CHCHD6: variants seen among roughly 807,000 people sequenced by gnomAD.
CHCHD6 encodes MICOS complex subunit MIC25.
Under a neutral mutation model 32.3 loss-of-function variants are expected in CHCHD6, and 28 were observed. The ratio of observed to expected loss-of-function variants is 0.87; its 90% CI spans 0.64 to 1.19. The LOEUF is 1.19. Among genes scored for constraint, CHCHD6 ranks in the 50% most tolerant of loss-of-function variants. CHCHD6 has a pLI of 0.00. For missense variants in CHCHD6, 333 were observed against 307.0 expected, an observed-to-expected ratio of 1.08 and a Z score of -0.63; for synonymous variants, 122 against 117.5, an observed-to-expected ratio of 1.04 and a Z score of -0.25.
At chr3:126,807,826 G>A (rs1939475129) in intron 4 of CHCHD6, among the ~76,000 whole-genome samples, 1 of 152,152 alleles carries the variant, frequency 6.6e-6, no homozygotes, top group African/African-American at 2.4e-5. Flanking sequence ...CTTAGAACAG[G>A]GAGTGGCAAA....
At chr3:126,766,508 T>A in intron 4 of CHCHD6, 1 of 775,518 alleles carries the variant, frequency 1.3e-6, no homozygotes. Flanking sequence ...TCTCTTGGTG[T>A]CACCAAAGAG....
intron 4 of CHCHD6, among the ~76,000 whole-genome samples, chr3:126,811,758 T>C (rs565974617): frequency 1.3e-5 from 2 of 152,218 alleles, no homozygotes; most frequent in Non-Finnish European, 2.9e-5. Context: ...GCCAGACATT[T>C]AGCTCCTTCC....
At chr3:126,892,174 T>A (rs375369702) in intron 5 of CHCHD6, among the ~76,000 whole-genome samples, 1 of 152,218 alleles carries the variant, frequency 6.6e-6, no homozygotes, top group Non-Finnish European at 1.5e-5. Context: ...GTTGTCATTA[T>A]GGCCCTTTCA....
chr3:126,885,609 TA>T lies in CHCHD6; in HGVS notation c.496-29069del, dbSNP rs573916931. 5.6e-4 allele frequency among the ~76,000 whole-genome samples: 85 copies of T among 152,212 alleles called. 1 individual carries two copies. The highest frequency in any genetic ancestry group is 2.0e-3 in the African/African-American group (83 of 41,536). ...AAGAGATATGAGCTCTTTCAGAGAG[TA>T]ATGTAAGATTAATTTGTAAAATTTC... On this transcript the variant is annotated intron_variant, in intron 5 of 7. Coordinates refer to ENST00000290913, the MANE Select transcript of CHCHD6 (RefSeq NM_032343.3).
chr3:126,800,603 G>A lies in CHCHD6; in HGVS notation c.412-52044G>A, dbSNP rs146931975. Among the ~76,000 whole-genome samples, 86 of 152,236 alleles carry A rather than the reference G, an allele frequency of 5.6e-4. No homozygotes were observed. In the East Asian group the frequency reaches 0.012, roughly 20 times the overall value. On this transcript the variant is annotated intron_variant, in intron 4 of 7. Coordinates refer to ENST00000290913, the MANE Select transcript of CHCHD6 (RefSeq NM_032343.3). Reference sequence around the variant, plus strand: ...ATCTGATAAAACTACGAGATAAAACGTCACAGTTTTATCTCCTTCCCACCA... The same window carrying A: ...ATCTGATAAAACTACGAGATAAAACATCACAGTTTTATCTCCTTCCCACCA...
At chr3:126,719,620 C>G (rs1935184795) in intron 1 of CHCHD6, among the ~76,000 whole-genome samples, 1 of 152,180 alleles carries the variant, frequency 6.6e-6, no homozygotes. Flanking sequence ...TGCTGGTGTC[C>G]TGGCTTAGGT....
At chr3:126,932,059 G>A (rs1411532851) in intron 6 of CHCHD6, among the ~76,000 whole-genome samples, 1 of 152,214 alleles carries the variant, frequency 6.6e-6, no homozygotes, top group East Asian at 1.9e-4. Flanking sequence ...CCGAAGTTCA[G>A]AATCACTGAG....
In CHCHD6 at chr3:126,959,423, G is replaced by A. The variant is rs1362845973; in HGVS notation, c.703-773G>A. On this transcript the variant is annotated intron_variant, in intron 7 of 7. Transcript: ENST00000290913. ...CAGGCACTTGGGTGGTGCCCTGTGT[G>A]TGAGATGTGGCAAGTGCTGGAGAAA... Among the ~76,000 whole-genome samples, 4 of 152,252 alleles carry A rather than the reference G, an allele frequency of 2.6e-5. No individual in the cohort carries two copies. The East Asian group carries it at 7.7e-4, about 29-fold the overall frequency.
chr3:126,729,390 C>T (rs1045749555), intron 2 of CHCHD6, among the ~76,000 whole-genome samples: 4 of 152,122 alleles, frequency 2.6e-5, no homozygotes, highest in African/African-American at 7.2e-5. Context: ...GAGCGGGGAG[C>T]GGGCAGGGGC....
chr3:126,782,196 C>T (rs765413825), intron 4 of CHCHD6, among the ~76,000 whole-genome samples: 4 of 152,214 alleles, frequency 2.6e-5, no homozygotes, highest in East Asian at 1.9e-4. Context: ...CACCAGAACC[C>T]GTGAACATTA....
intron 4 of CHCHD6, among the ~76,000 whole-genome samples, chr3:126,813,770 A>G (rs1939760138): frequency 6.6e-6 from 1 of 152,178 alleles, no homozygotes. Flanking sequence ...CAGTAATTCT[A>G]GCCCTTTGCC....
chr3:126,741,091 C>T (rs1033051487), intron 4 of CHCHD6, among the ~76,000 whole-genome samples: 2 of 152,086 alleles, frequency 1.3e-5, no homozygotes, highest in African/African-American at 2.4e-5. Context: ...TGCCTGGTGT[C>T]ACAAAATGTT....
At chr3:126,933,950 C>T (rs1210330164) in intron 6 of CHCHD6, among the ~76,000 whole-genome samples, 1 of 152,216 alleles carries the variant, frequency 6.6e-6, no homozygotes, top group Non-Finnish European at 1.5e-5. Context: ...CATTCATGCA[C>T]TCTCACACTC....
intron 4 of CHCHD6, among the ~76,000 whole-genome samples, chr3:126,754,920 G>A (rs1036607247): frequency 6.6e-6 from 1 of 152,210 alleles, no homozygotes; most frequent in African/African-American, 2.4e-5. Context: ...CTGCAAGGAG[G>A]GAGTGTGGCT....
At chr3:126,954,081 C>T (rs570163178) in intron 6 of CHCHD6, among the ~76,000 whole-genome samples, 1 of 152,310 alleles carries the variant, frequency 6.6e-6, no homozygotes, top group South Asian at 2.1e-4. Context: ...CATTCAGAGC[C>T]TTTTTGTGGA....
At chr3:126,778,239 A>G (rs767733983) in intron 4 of CHCHD6, among the ~76,000 whole-genome samples, 19 of 152,188 alleles carry the variant, frequency 1.2e-4, no homozygotes, top group Non-Finnish European at 2.2e-4. Flanking sequence ...ACATTTGTCT[A>G]CAAGTTTTTC....
At chr3:126,893,030 G>A (rs779226968) in intron 5 of CHCHD6, among the ~76,000 whole-genome samples, 5 of 151,902 alleles carry the variant, frequency 3.3e-5, no homozygotes, top group African/African-American at 9.7e-5. Context: ...GTGCAGTGGC[G>A]CAATCTTGGC....
chr3:126,790,209 G>A (rs1490652415), intron 4 of CHCHD6, among the ~76,000 whole-genome samples: 29 of 152,092 alleles, frequency 1.9e-4, no homozygotes, highest in Admixed American at 1.9e-3. Context: ...AGTCTGATGG[G>A]CTTCCCTTTG....
chr3:126,817,841 T>G (rs565593558), intron 4 of CHCHD6, among the ~76,000 whole-genome samples: 1 of 148,128 alleles, frequency 6.8e-6, no homozygotes, highest in South Asian at 2.1e-4. Context: ...AATGTCTTCT[T>G]CTTACCCCTT....
Sources: gnomAD v4.1 joint callset for allele counts (sites outside exome capture counted in the v4.1 genomes callset) on GRCh38, gnomAD v4.1.1 for gene constraint, MANE v1.5 for transcripts, NCBI Gene and HGNC (gene_info 2026-07-23, HGNC 2026-07-21) for gene names.